Variants in HSPG2 observed in about 807,000 individuals in gnomAD.
HSPG2 encodes heparan sulfate proteoglycan 2, also known as basement membrane-specific heparan sulfate proteoglycan core protein.
In HSPG2, 278 loss-of-function variants were observed where a neutral mutation model predicts 526.6. The ratio of observed to expected loss-of-function variants is 0.53; its 90% confidence interval spans 0.48 to 0.58. The LOEUF is 0.58. Ranked by LOEUF, HSPG2 falls within the 20% of genes least tolerant of loss-of-function variation. HSPG2 has a pLI of 0.00. For synonymous variants in HSPG2, 2,465 were observed against 2,555.4 expected (o/e 0.96, Z 1.07); for missense variants, 5,354 against 6,099.5 (o/e 0.88, Z 4.07).
Position 21,874,401 on chromosome 1 carries a change from C to T in HSPG2, c.3656+5G>A, listed in dbSNP as rs755833459. The T allele has an allele frequency of 8.1e-6, 13 of 1,611,140 alleles. No individual in the cohort carries two copies. Among genetic ancestry groups the T allele is most frequent in the Admixed American group, 3.3e-5 (2 of 59,960 alleles). Reference sequence around the variant, plus strand: ...AGGGCAGGTGCAGGCAGGGACTGGACGCACTGGCCGGCAGCAGGGTCTCCG... The same window carrying T: ...AGGGCAGGTGCAGGCAGGGACTGGATGCACTGGCCGGCAGCAGGGTCTCCG... On this transcript the variant is annotated splice_donor_5th_base_variant and intron_variant, in intron 28 of 96. Coordinates refer to ENST00000374695, the MANE Select transcript of HSPG2 (RefSeq NM_005529.7).
chr1:21,833,802 T>C lies in HSPG2; in HGVS notation c.10830+14A>G. The C allele has an allele frequency of 6.4e-7, 1 of 1,565,446 alleles. No individual in the cohort carries two copies. The highest frequency in any genetic ancestry group is 8.7e-7 in the Non-Finnish European group (1 of 1,149,346). On this transcript the variant is annotated intron_variant, in intron 78 of 96. Coordinates refer to ENST00000374695, the MANE Select transcript of HSPG2 (RefSeq NM_005529.7). ...CCCCAAGTCATGCCCGCTGGTTCCC[T>C]CTCCAGCACTTACCTTGCTCCAGCT...
rs370767149 is a variant in HSPG2 at position 21,895,966 on chromosome 1, T to G, written c.200A>C (p.Asp67Ala). ...EDMLADSISG[D>A]DLGSGDLGSG... is the part of the protein sequence containing the mutation. ...GCCCAGGTCCCCACTGCCCAGGTCG[T>G]CTATAAGCAAAAAAGAGATGTAATC... The change falls in exon 3 of 97, where the codon GAC becomes GCC. Residue 67 changes from aspartate (D) to alanine (A), a missense_variant and splice_region_variant. By Grantham distance (126) the Asp-to-Ala change is moderately radical. Coordinates refer to ENST00000374695, the MANE Select transcript of HSPG2 (RefSeq NM_005529.7). The surrounding 1 kb of genome is among the most constrained non-coding windows in gnomAD (Gnocchi z 4.1). The G allele has an allele frequency of 4.3e-6, 7 of 1,614,042 alleles. No individual in the cohort carries two copies. Among genetic ancestry groups the G allele is most frequent in the Non-Finnish European group, 5.9e-6 (7 of 1,179,960 alleles).
At chr1:21,832,704 C>T in intron 80 of HSPG2, 98 bp from the exon 81 acceptor site, 1 of 856,010 alleles carries the variant, frequency 1.2e-6, no homozygotes, top group Non-Finnish European at 1.9e-6. Flanking sequence ...CCTGTCCACT[C>T]TCGGAACCTG....
In HSPG2 at chr1:21,888,002, C is replaced by A; in HGVS notation, c.639G>T (p.Val213=). Residue 213 remains valine (V), a synonymous_variant, in exon 7 of 97, where the codon GTG becomes GTT. Transcript: ENST00000374695. The stretch of plus-strand genomic sequence containing the variant: ...GCCGGTCACAGCGATACTCCAGGGC[C>A]ACACACTCATTGTAGCTGTGGCAGG... ...EFACHSYNEC[V]ALEYRCDRRP... 1 of 1,614,212 alleles carries A rather than the reference C, an allele frequency of 6.2e-7. No homozygotes were observed. The highest frequency in any genetic ancestry group is 2.2e-5 in the East Asian group (1 of 44,886).
At position 21,859,980 on chromosome 1, in the gene HSPG2, G is replaced by A. The variant is rs1362082004; in HGVS notation, c.5037C>T (p.Val1679=). The change falls in exon 41 of 97, where the codon GTC becomes GTT. Residue 1679 remains valine, a synonymous_variant. Coordinates refer to ENST00000374695, the MANE Select transcript of HSPG2 (RefSeq NM_005529.7). The surrounding 1 kb of genome is among the most constrained non-coding windows in gnomAD (Gnocchi z 5.3). ...CTATGCTTCGAGCAGGATGGACCTCGACCACCAGTGGGGCTTGGTTTGCTG... is the reference window on the plus strand; with the variant it reads ...CTATGCTTCGAGCAGGATGGACCTCAACCACCAGTGGGGCTTGGTTTGCTG... ...LPETNQAPLV[V]EVHPARSIVP... The A allele has an allele frequency of 2.5e-6, 4 of 1,610,734 alleles. No homozygotes were observed. Among genetic ancestry groups the A allele is most frequent in the South Asian group, 2.2e-5 (2 of 90,266 alleles).
Position 21,854,886 on chromosome 1 carries a change from C to A in HSPG2, c.6095G>T (p.Gly2032Val). The A allele has an allele frequency of 1.2e-6, 2 of 1,614,146 alleles. No homozygotes were observed. Among genetic ancestry groups the A allele is most frequent in the Non-Finnish European group, 1.7e-6 (2 of 1,180,016 alleles). Residue 2032 changes from glycine (G) to valine (V), a missense_variant, in exon 48 of 97, where the codon GGC (glycine) becomes GTC (valine). Coordinates refer to ENST00000374695, the MANE Select transcript of HSPG2 (RefSeq NM_005529.7). Reference protein sequence around the residue: ...FYLCVATSPAGTAQARIQVVV... With the variant: ...FYLCVATSPAVTAQARIQVVV... ...CACTTGGATCCGGGCCTGGGCAGTGCCTGCAGGGCTGGTGGCCACGCAGAG... is the reference window on the plus strand; with the variant it reads ...CACTTGGATCCGGGCCTGGGCAGTGACTGCAGGGCTGGTGGCCACGCAGAG...
rs988371446 is a variant in HSPG2, at chr1:21,864,505, T to G, written c.4627-292A>C. Reference sequence around the variant, plus strand: ...CCCCCTCAAGGGCATGAACTGGGTTTTAACCCCCGGAGAGTGTGGCCCAAA... The same window carrying G: ...CCCCCTCAAGGGCATGAACTGGGTTGTAACCCCCGGAGAGTGTGGCCCAAA... On this transcript the variant is annotated intron_variant, in intron 36 of 96. Transcript: ENST00000374695. This position sits in a 1 kb window ranked among gnomAD's most constrained non-coding sequence, Gnocchi z 4.8. Among the ~76,000 whole-genome samples the G allele has an allele frequency of 2.6e-5, 4 of 152,184 alleles. No individual in the cohort carries two copies. The highest frequency in any genetic ancestry group is 2.1e-4 in the South Asian group (1 of 4,832).
At chr1:21,829,829 A>AT (rs1413505610) in intron 86 of HSPG2, 164 bp downstream of exon 86, 7 of 752,602 alleles carry the variant, frequency 9.3e-6, no homozygotes, top group Non-Finnish European at 2.2e-6. Flanking sequence ...CCCTCACTCA[A>AT]TAAGGGGCTC....
rs563318176 is a variant in HSPG2, at chr1:21,851,655, G to A, written c.7049C>T (p.Ser2350Leu). The change falls in exon 55 of 97, where the codon TCG becomes TTG. Residue 2350 changes from serine (S) to leucine (L), a missense_variant. Ser to Leu is a moderately radical substitution (Grantham distance 145). Transcript: ENST00000374695. Reference sequence around the variant, plus strand: ...CAGGGTCTGCCCTTCCGCCACTTGCGAGGAGGAGGGCTCGATGCGGATGGG... The same window carrying A: ...CAGGGTCTGCCCTTCCGCCACTTGCAAGGAGGAGGGCTCGATGCGGATGGG... ...TQPIRIEPSSSQVAEGQTLDL... is the reference protein window; with the variant it reads ...TQPIRIEPSSLQVAEGQTLDL... The A allele has an allele frequency of 3.1e-6, 5 of 1,614,044 alleles. No individual in the cohort carries two copies. The highest frequency in any genetic ancestry group is 2.7e-5 in the African/African-American group (2 of 75,038).
At chr1:21,831,886 G>A in intron 81 of HSPG2, 90 bp from the exon 82 acceptor site, 1 of 1,373,848 alleles carries the variant, frequency 7.3e-7, no homozygotes. Context: ...GGGTCCCAGA[G>A]GAGGGATGTC....
In HSPG2 at chr1:21,824,381, C is replaced by T. The variant is rs2097962604; in HGVS notation, c.12745-5G>A. On this transcript the variant is annotated splice_polypyrimidine_tract_variant and splice_region_variant and intron_variant, in intron 93 of 96. Coordinates refer to ENST00000374695, the MANE Select transcript of HSPG2 (RefSeq NM_005529.7). The surrounding 1 kb of genome is among the most constrained non-coding windows in gnomAD (Gnocchi z 5.9). ...TTGGCCGGCCTCTCCCACCTCCTGC[C>T]AGGGAAGCACAGGGTCTCTGGGGTC... The T allele has an allele frequency of 6.2e-7, 1 of 1,613,686 alleles. No homozygotes were observed. The highest frequency in any genetic ancestry group is 1.1e-5 in the South Asian group (1 of 91,090).
At position 21,824,462 on chromosome 1, in the gene HSPG2, C is replaced by T; in HGVS notation, c.12744+75G>A. 6.2e-7 allele frequency: 1 copy of T among 1,602,856 alleles called. No individual in the cohort carries two copies. Among genetic ancestry groups the T allele is most frequent in the Non-Finnish European group, 8.5e-7 (1 of 1,172,344 alleles). On this transcript the variant is annotated intron_variant, in intron 93 of 96. Coordinates refer to ENST00000374695, the MANE Select transcript of HSPG2 (RefSeq NM_005529.7). The surrounding 1 kb of genome is among the most constrained non-coding windows in gnomAD (Gnocchi z 5.9). The stretch of plus-strand genomic sequence containing the variant: ...CAGGGGGCTCTGCTTTCCCCTCCCC[C>T]CACCACTCCGGCCACCAGGAAGCCA...
rs781212523 is a variant in HSPG2, at chr1:21,839,514, C to T, written c.9746G>A (p.Arg3249His). 47 of 1,614,044 alleles carry T rather than the reference C, an allele frequency of 2.9e-5. 1 individual carries two copies. Among genetic ancestry groups the T allele is most frequent in the South Asian group, 1.8e-4 (16 of 91,078 alleles). The change falls in exon 73 of 97, where the codon CGT (arginine) becomes CAT (histidine). Residue 3249 changes from arginine to histidine, a missense_variant. Arg to His is a conservative substitution (Grantham distance 29). Coordinates refer to ENST00000374695, the MANE Select transcript of HSPG2 (RefSeq NM_005529.7). This position sits in a 1 kb window ranked among gnomAD's most constrained non-coding sequence, Gnocchi z 4.5. ...CCGGTGCTGCCAGGGCAGTGGGGAA[C>T]GCAGCTTGGACCAGTGGATGGTGGG... ...PAPTIHWSKL[R>H]SPLPWQHRLE...
chr1:21,861,121 G>T (rs1475499521), intron 39 of HSPG2, among the ~76,000 whole-genome samples: 1 of 152,116 alleles, frequency 6.6e-6, no homozygotes, highest in African/African-American at 2.4e-5. Context: ...CTCCCATTAG[G>T]GCTGATCTCT....
chr1:21,900,188 AC>A (rs1430916341), intron 1 of HSPG2, among the ~76,000 whole-genome samples: 1 of 152,140 alleles, frequency 6.6e-6, no homozygotes, highest in Non-Finnish European at 1.5e-5. Context: ...TAGGGGTCAG[AC>A]CTCGGCCAGA....
intron 17 of HSPG2, 97 bp downstream of exon 17, chr1:21,880,009 TC>T: frequency 7.1e-7 from 1 of 1,401,276 alleles, no homozygotes; most frequent in Non-Finnish European, 1.0e-6. Context: ...GTCATGACAG[TC>T]ATTCTGGAGG....
chr1:21,911,988 A>C (rs995951804), intron 1 of HSPG2, among the ~76,000 whole-genome samples: 1 of 152,260 alleles, frequency 6.6e-6, no homozygotes, highest in Admixed American at 6.5e-5. Flanking sequence ...TCTGAGTGTC[A>C]GAGGCAGCCT....
Position 21,824,186 on chromosome 1 carries a change from C to T in HSPG2, c.12834G>A (p.Gly4278=), listed in dbSNP as rs1346191270. ...GGTCCTCAGAGACCAGGCGGGCCTC[C>T]CCACTACCCAGCTGGTACCTGCAGT... The part of the protein sequence containing the change: ...HLVFRYQLGS[G]EARLVSEDPI... Residue 4278 remains glycine (G), a synonymous_variant, in exon 95 of 97, where the codon GGG becomes GGA. Coordinates refer to ENST00000374695, the MANE Select transcript of HSPG2 (RefSeq NM_005529.7). This position sits in a 1 kb window ranked among gnomAD's most constrained non-coding sequence, Gnocchi z 5.9. 1.2e-5 allele frequency: 20 copies of T among 1,613,790 alleles called. No homozygotes were observed. The highest frequency in any genetic ancestry group is 1.7e-5 in the Non-Finnish European group (20 of 1,180,034).
In HSPG2 at chr1:21,881,391, A is replaced by G; in HGVS notation, c.1766T>C (p.Phe589Ser). 1 of 1,614,162 alleles carries G rather than the reference A, an allele frequency of 6.2e-7. No homozygotes were observed. The highest frequency in any genetic ancestry group is 1.1e-5 in the South Asian group (1 of 91,090). ...EFQLVDLSRR[F>S]LVHDSFWALP... ...AGCCCAGAAGGAGTCGTGGACGAGG[A>G]AGCGGCGGGACAGGTCGACTAGCTG... The change falls in exon 14 of 97, where the codon TTC (phenylalanine) becomes TCC (serine). Residue 589 changes from phenylalanine to serine, a missense_variant. Transcript: ENST00000374695.
Sources: gnomAD v4.1 joint callset for allele counts (sites outside exome capture counted in the v4.1 genomes callset) on GRCh38, gnomAD v4.1.1 for gene constraint, Gnocchi (gnomAD v3.1) non-coding constraint, MANE v1.5 for transcripts, NCBI Gene and HGNC (gene_info 2026-07-23, HGNC 2026-07-21) for gene names.